INSL6: variants seen among roughly 807,000 people sequenced by gnomAD.
The protein encoded by INSL6 is insulin like 6, also known as insulin-like peptide INSL6.
Under a neutral mutation model 9.4 loss-of-function variants are expected in INSL6, and 16 were observed. The ratio of observed to expected loss-of-function variants is 1.70; its 90% CI spans 1.15 to 2.59. The LOEUF (loss-of-function observed/expected upper bound fraction) is 2.59, where lower values mean the gene tolerates loss of function less well. Ranked by LOEUF, INSL6 falls within the 30% of genes most tolerant of loss-of-function variation. The probability of loss-of-function intolerance (pLI) is 0.00; values close to 1 mark genes in which losing one functional copy is unlikely to be tolerated. For synonymous variants in INSL6, 154 were observed against 96.9 expected, an observed-to-expected ratio of 1.59 and a Z score of -3.46; for missense variants, 391 against 257.3, an observed-to-expected ratio of 1.52 and a Z score of -3.56.
chr9:5,110,907 C>T, the INSL6 span: 1 of 558,912 alleles, frequency 1.8e-6, no homozygotes, highest in South Asian at 1.5e-5. Flanking sequence ...GCTCTGGCCC[C>T]AAGAGAATGA....
the INSL6 span, among the ~76,000 whole-genome samples, chr9:5,051,850 T>G: frequency 6.6e-6 from 1 of 152,144 alleles, no homozygotes; most frequent in African/African-American, 2.4e-5. Context: ...ATTTCTCTCT[T>G]TGGTTTTAAA....
At chr9:5,121,635 G>C (rs984721185), downstream of INSL6, among the ~76,000 whole-genome samples, 1 of 152,136 alleles carries the variant, frequency 6.6e-6, no homozygotes, top group African/African-American at 2.4e-5. Context: ...AAACTGGCAA[G>C]AGGCTTTGAA....
At chr9:5,110,964 T>TA in the INSL6 span, 1 of 603,294 alleles carries the variant, frequency 1.7e-6, no homozygotes, top group Non-Finnish European at 3.1e-6. Context: ...AGGAGCTCAG[T>TA]AACCTGGACT....
chr9:5,095,461 C>A, the INSL6 span, among the ~76,000 whole-genome samples: 1 of 152,008 alleles, frequency 6.6e-6, no homozygotes, highest in Non-Finnish European at 1.5e-5. Flanking sequence ...TTTCAACAAC[C>A]CGTCCTCCGG....
chr9:5,100,495 T>C, the INSL6 span: 3 of 152,226 alleles, frequency 2.0e-5, no homozygotes, highest in South Asian at 2.1e-4. Flanking sequence ...ATTCTATTTA[T>C]TATCTGAGAA....
intron 3 of INSL6, chr9:5,127,949 G>C (rs923096991): frequency 2.6e-5 from 6 of 232,102 alleles, no homozygotes; most frequent in Non-Finnish European, 5.1e-5. Context: ...AATTCATAAC[G>C]TGTATCTTTA....
chr9:5,085,371 A>C, the INSL6 span: 3 of 901,692 alleles, frequency 3.3e-6, no homozygotes, highest in Non-Finnish European at 3.7e-6. Context: ...AGGTGATCTC[A>C]TGCACCACTG....
At chr9:5,140,932 G>C (rs557225365) in intron 2 of INSL6, among the ~76,000 whole-genome samples, 2 of 151,904 alleles carry the variant, frequency 1.3e-5, no homozygotes, top group African/African-American at 4.8e-5. Context: ...TCATCATTTA[G>C]CTCCCACTTA....
the INSL6 span, among the ~76,000 whole-genome samples, chr9:5,059,154 T>C: frequency 3.9e-5 from 6 of 152,202 alleles, no homozygotes; most frequent in South Asian, 1.2e-3. Flanking sequence ...TGTACATCTT[T>C]GTAGCCACAC....
At chr9:5,030,346 G>C in the INSL6 span, among the ~76,000 whole-genome samples, 4 of 152,096 alleles carry the variant, frequency 2.6e-5, no homozygotes, top group African/African-American at 4.8e-5. Flanking sequence ...CAAATTGTAA[G>C]TTAATTTATA....
the INSL6 span, among the ~76,000 whole-genome samples, chr9:5,101,218 CAGG>C: frequency 2.6e-5 from 4 of 152,236 alleles, no homozygotes; most frequent in African/African-American, 9.6e-5. Context: ...AATGGCACAC[CAGG>C]AGATTATATC....
At chr9:5,132,381 T>G (rs1824308351) in intron 3 of INSL6, among the ~76,000 whole-genome samples, 1 of 152,144 alleles carries the variant, frequency 6.6e-6, no homozygotes, top group Non-Finnish European at 1.5e-5. Context: ...ATCTTTAATT[T>G]CTCTTATTTT....
chr9:5,126,270 A>G, intron 3 of INSL6: 1 of 1,209,224 alleles, frequency 8.3e-7, no homozygotes, highest in Non-Finnish European at 1.2e-6. Context: ...ACTGGAGGAA[A>G]TTGAGAAAGA....
At chr9:5,081,888 G>A in the INSL6 span, 1 of 1,573,614 alleles carries the variant, frequency 6.4e-7, no homozygotes, top group Non-Finnish European at 8.7e-7. Context: ...TTTTCAAATA[G>A]AGTATAATCA....
At chr9:5,059,528 A>T in the INSL6 span, among the ~76,000 whole-genome samples, 1 of 152,064 alleles carries the variant, frequency 6.6e-6, no homozygotes, top group Admixed American at 6.6e-5. Flanking sequence ...GAACATTCTT[A>T]TACATATTTT....
the INSL6 span, chr9:5,041,020 C>G: frequency 3.0e-6 from 2 of 667,732 alleles, no homozygotes; most frequent in African/African-American, 3.6e-5. Context: ...GCAGCTGCAC[C>G]TGGGTACCGG....
the INSL6 span, among the ~76,000 whole-genome samples, chr9:5,012,500 G>A: frequency 3.3e-5 from 5 of 152,138 alleles, no homozygotes; most frequent in Admixed American, 2.0e-4. Flanking sequence ...TTTCCTTGGT[G>A]TTTGGGGCAG....
the INSL6 span, among the ~76,000 whole-genome samples, chr9:4,997,952 T>G: frequency 6.6e-6 from 1 of 152,186 alleles, no homozygotes; most frequent in African/African-American, 2.4e-5. Flanking sequence ...ATGATAATCT[T>G]TAAATAATTA....
At chr9:5,044,361 G>C in the INSL6 span, 7 of 1,236,006 alleles carry the variant, frequency 5.7e-6, no homozygotes, top group Non-Finnish European at 7.2e-6. Flanking sequence ...GTTTGTATTT[G>C]AACTATTTGG....
Sources: allele counts gnomAD v4.1 joint callset (sites outside exome capture counted in the v4.1 genomes callset), GRCh38; gene constraint gnomAD v4.1.1; transcripts MANE v1.5; gene names NCBI Gene and HGNC (gene_info 2026-07-23, HGNC 2026-07-21).